The following KDM1A variants were observed in gnomAD, a reference collection of about 807,000 sequenced individuals.
KDM1A encodes lysine demethylase 1A, also known as lysine-specific histone demethylase 1A.
In KDM1A, 49 loss-of-function variants were observed where a neutral mutation model predicts 109.4. That is an observed-to-expected ratio of 0.45 (90% CI 0.36 to 0.57). The LOEUF (loss-of-function observed/expected upper bound fraction) is 0.57. KDM1A is among the 20% of genes least tolerant of loss of function. The pLI, the probability that KDM1A is intolerant of heterozygous loss-of-function variation, is 0.00. For missense variants in KDM1A, 668 were observed against 1,116.6 expected, an observed-to-expected ratio of 0.60 and a Z score of 5.73; for synonymous variants, 380 against 415.4, an observed-to-expected ratio of 0.91 and a Z score of 1.04.
chr1:23,055,174 T>C lies in KDM1A; in HGVS notation c.883+13T>C. Reference sequence around the variant, plus strand: ...AAACCCCTACCAAGTAAGGACCTCCTACCTGGCTGATAAATTTTACATTTT... The same window carrying C: ...AAACCCCTACCAAGTAAGGACCTCCCACCTGGCTGATAAATTTTACATTTT... On this transcript the variant is annotated intron_variant, in intron 6 of 20. Transcript: ENST00000400181. 2 of 1,513,476 alleles carry C rather than the reference T, an allele frequency of 1.3e-6. No individual in the cohort carries two copies. Among genetic ancestry groups the C allele is most frequent in the South Asian group, 1.2e-5 (1 of 84,652 alleles). The allele number at this position is 1,513,476 out of a possible 1,614,324, so 93.8% of individuals were successfully genotyped here.
At chr1:23,040,243 C>T (rs540639784) in intron 2 of KDM1A, among the ~76,000 whole-genome samples, 4 of 152,300 alleles carry the variant, frequency 2.6e-5, no homozygotes, top group African/African-American at 9.6e-5. Flanking sequence ...TTTTCACCTC[C>T]TTGTTTGTTT....
chr1:23,019,571 G>T lies in KDM1A; in HGVS notation c.-26G>T. 7.2e-7 allele frequency: 1 copy of T among 1,394,154 alleles called. No homozygotes were observed. The highest frequency in any genetic ancestry group is 9.2e-7 in the Non-Finnish European group (1 of 1,081,218). 86.4% of individuals were successfully genotyped at this position (1,394,154 alleles called of 1,614,324 possible). A position where few individuals can be genotyped will look rare whatever the true frequency, so the allele number is the denominator to read the frequency against. On this transcript the variant is annotated 5_prime_UTR_variant, in exon 1 of 21. Transcript: ENST00000400181. ...GAGCGACAGAGCGAGCGGCCCCTAC[G>T]GCCGTCGGCGGCCCGGCGGCCCGAG...
At chr1:23,059,684 T>C (rs1642944266) in intron 9 of KDM1A, among the ~76,000 whole-genome samples, 1 of 152,194 alleles carries the variant, frequency 6.6e-6, no homozygotes, top group Non-Finnish European at 1.5e-5. Context: ...AGTATGACAA[T>C]AGCATGAAAG....
chr1:23,049,752 TA>T (rs1271985955), intron 3 of KDM1A, among the ~76,000 whole-genome samples: 1 of 152,126 alleles, frequency 6.6e-6, no homozygotes, highest in Admixed American at 6.5e-5. Context: ...ACTATATGTA[TA>T]TGTGTTATAG....
At chr1:23,082,811 G>A (rs1478056202) in intron 20 of KDM1A, 3 of 208,134 alleles carry the variant, frequency 1.4e-5, no homozygotes, top group East Asian at 1.1e-4. Flanking sequence ...GCCCAGACCT[G>A]CTGAGCTGCG....
chr1:23,057,953 T>G (rs1642884149), intron 8 of KDM1A: 1 of 156,782 alleles, frequency 6.4e-6, no homozygotes, highest in Non-Finnish European at 1.4e-5. Context: ...TAATTTTTTG[T>G]ATTTTAGTAG....
chr1:23,022,335 T>TGTTG (rs55911134), intron 1 of KDM1A, among the ~76,000 whole-genome samples: 1 of 150,446 alleles, frequency 6.6e-6, no homozygotes, highest in African/African-American at 2.4e-5. Flanking sequence ...TTTTTTTTTT[T>TGTTG]TTGTTGTTGT....
chr1:23,057,639 T>TATTCTAAACCAATAC, intron 8 of KDM1A, 74 bp downstream of exon 8: 5 of 1,082,902 alleles, frequency 4.6e-6, no homozygotes, highest in Non-Finnish European at 7.1e-6. Flanking sequence ...CCAGAGATGC[T>TATTCTAAACCAATAC]ATTTTAAAAT....
intron 3 of KDM1A, 46 bp downstream of exon 3, chr1:23,044,532 A>G: frequency 1.3e-6 from 2 of 1,518,190 alleles, no homozygotes; most frequent in Non-Finnish European, 1.8e-6. Context: ...AAGAGCCGCC[A>G]AGTAGGAATT....
chr1:23,047,833 G>C (rs1642545172), intron 3 of KDM1A, among the ~76,000 whole-genome samples: 1 of 151,246 alleles, frequency 6.6e-6, no homozygotes, highest in Admixed American at 6.6e-5. Context: ...GGAGGTGAAG[G>C]TTGCAGTGTG....
chr1:23,034,372 T>C (rs1642079694), intron 2 of KDM1A, among the ~76,000 whole-genome samples: 1 of 152,340 alleles, frequency 6.6e-6, no homozygotes, highest in Non-Finnish European at 1.5e-5. Context: ...TGTGTTTGGT[T>C]ACTAGCAGCG....
chr1:23,082,479 CAGAT>C, intron 20 of KDM1A, 113 bp downstream of exon 20: 49 of 1,055,464 alleles, frequency 4.6e-5, no homozygotes, highest in Non-Finnish European at 6.5e-5. Flanking sequence ...CGGACCCTTT[CAGAT>C]AACCAAGAGC....
rs564351197 is a variant in KDM1A, at chr1:23,059,904, T to C, written c.1167+737T>C. ...ATTTGGGGGAAATGGTGATTTCCTA[T>C]GTATACGGTGGGTTTAGCTATTCTT... On this transcript the variant is annotated intron_variant, in intron 9 of 20. Transcript: ENST00000400181. Among the ~76,000 whole-genome samples, 15 of 152,338 alleles carry C rather than the reference T, an allele frequency of 9.8e-5. No homozygotes were observed. In the South Asian group the frequency reaches 1.2e-3, roughly 13 times the overall value.
intron 4 of KDM1A, among the ~76,000 whole-genome samples, chr1:23,052,382 C>T (rs1254452599): frequency 3.3e-5 from 5 of 152,100 alleles, no homozygotes; most frequent in Non-Finnish European, 7.4e-5. Flanking sequence ...CCAGTGTGTA[C>T]TTGAGGAAAT....
rs145280057 is a variant in KDM1A, at chr1:23,066,313, G to A, written c.1179+242G>A. 2.0e-5 allele frequency among the ~76,000 whole-genome samples: 3 copies of A among 152,268 alleles called. No homozygotes were observed. In the East Asian group the frequency reaches 5.8e-4, roughly 29 times the overall value. On this transcript the variant is annotated intron_variant, in intron 10 of 20. Transcript: ENST00000400181. ...GGTGGACTAAGGGGGAAAGTGTAAT[G>A]AATCCAGTGGGCTGCTCAGCAAACA...
intron 15 of KDM1A, among the ~76,000 whole-genome samples, chr1:23,073,643 G>T (rs1569805189): frequency 6.6e-6 from 1 of 152,144 alleles, no homozygotes; most frequent in African/African-American, 2.4e-5. Flanking sequence ...CTGCCTCTTT[G>T]TAGTTAATCC....
At chr1:23,029,344 T>G (rs2124366133) in intron 1 of KDM1A, among the ~76,000 whole-genome samples, 1 of 152,338 alleles carries the variant, frequency 6.6e-6, no homozygotes, top group South Asian at 2.1e-4. Context: ...TAATTAGAAT[T>G]TTTTAATTGA....
intron 20 of KDM1A, 111 bp from the exon 21 acceptor site, chr1:23,083,068 G>T: frequency 1.1e-6 from 1 of 909,714 alleles, no homozygotes; most frequent in Non-Finnish European, 1.7e-6. Flanking sequence ...ATAGTAATTG[G>T]GGGGGTCAGC....
intron 14 of KDM1A, 118 bp from the exon 15 acceptor site, chr1:23,073,174 C>T: frequency 1.7e-6 from 1 of 583,116 alleles, no homozygotes; most frequent in African/African-American, 1.8e-5. Context: ...TTTGTAATTT[C>T]TTCATATAAG....
Sources: gnomAD v4.1 joint callset for allele counts (sites outside exome capture counted in the v4.1 genomes callset) on GRCh38, gnomAD v4.1.1 for gene constraint, MANE v1.5 for transcripts, NCBI Gene and HGNC (gene_info 2026-07-23, HGNC 2026-07-21) for gene names.